The following ARMC8 variants were observed in gnomAD, a reference collection of about 807,000 sequenced individuals.
The protein encoded by ARMC8 is armadillo repeat containing 8, also known as armadillo repeat-containing protein 8.
Under a neutral mutation model 99.3 loss-of-function variants are expected in ARMC8, and 20 were observed. The observed-to-expected ratio is 0.20, with a 90% CI of 0.14 to 0.29. The LOEUF (loss-of-function observed/expected upper bound fraction) is 0.29, where lower values mean the gene tolerates loss of function less well. ARMC8 is among the 10% of genes least tolerant of loss of function. The probability of loss-of-function intolerance (pLI) is 1.00; values close to 1 mark genes in which losing one functional copy is unlikely to be tolerated. For synonymous variants in ARMC8, 263 were observed against 278.3 expected, an observed-to-expected ratio of 0.95 and a Z score of 0.55; for missense variants, 569 against 809.5, an observed-to-expected ratio of 0.70 and a Z score of 3.60.
chr3:138,220,887 G>A (rs1216254229), intron 2 of ARMC8, among the ~76,000 whole-genome samples: 3 of 151,738 alleles, frequency 2.0e-5, no homozygotes, highest in East Asian at 1.9e-4. Flanking sequence ...ATGGAGTTTC[G>A]CCATGTTGTT....
At chr3:138,237,133 G>T in intron 7 of ARMC8, 176 bp from the exon 8 acceptor site, 1 of 520,904 alleles carries the variant, frequency 1.9e-6, no homozygotes, top group Non-Finnish European at 3.3e-6. Context: ...AACTTTTATA[G>T]TTAATTTTAA....
At chr3:138,246,300 G>T (rs1332321525) in intron 12 of ARMC8, 28 of 985,620 alleles carry the variant, frequency 2.8e-5, no homozygotes, top group Non-Finnish European at 3.4e-5. Flanking sequence ...CAGTTAACAA[G>T]ATACTTTGAC....
At chr3:138,239,685 T>C (rs1055314560) in intron 10 of ARMC8, among the ~76,000 whole-genome samples, 157 bp downstream of exon 10, 1 of 152,204 alleles carries the variant, frequency 6.6e-6, no homozygotes, top group African/African-American at 2.4e-5. Flanking sequence ...TCAGTGGATG[T>C]CATATAGTTT....
At chr3:138,278,026 C>A (rs1015268365) in intron 18 of ARMC8, among the ~76,000 whole-genome samples, 1 of 152,128 alleles carries the variant, frequency 6.6e-6, no homozygotes, top group African/African-American at 2.4e-5. Flanking sequence ...ACTATATGAT[C>A]CCATCTATAT....
rs192065467 is a variant in ARMC8 at position 138,274,819 on chromosome 3, A to C, written c.1725+275A>C. On this transcript the variant is annotated intron_variant, in intron 18 of 21. Coordinates refer to ENST00000469044, the MANE Select transcript of ARMC8 (RefSeq NM_001363941.2). ...TCTACAGGAGCAGTCACCTTTCATC[A>C]TCCTGGAATGAATCCTTTTTCCAGG... 3.9e-5 allele frequency among the ~76,000 whole-genome samples: 6 copies of C among 152,300 alleles called. No individual in the cohort carries two copies. In the East Asian group the frequency reaches 1.2e-3, roughly 29 times the overall value.
At chr3:138,252,089 A>G (rs761628364) in intron 12 of ARMC8, among the ~76,000 whole-genome samples, 2 of 152,234 alleles carry the variant, frequency 1.3e-5, no homozygotes, top group Admixed American at 6.5e-5. Flanking sequence ...GCTCTTTCCT[A>G]TGAATAAAGT....
intron 9 of ARMC8, chr3:138,238,740 A>T (rs1243807314): frequency 2.6e-5 from 4 of 152,324 alleles, no homozygotes; most frequent in African/African-American, 4.8e-5. Flanking sequence ...AAATGATTTT[A>T]CCTGTTTATA....
intron 2 of ARMC8, among the ~76,000 whole-genome samples, chr3:138,212,587 G>A (rs2044761622): frequency 2.0e-5 from 3 of 152,092 alleles, no homozygotes; most frequent in South Asian, 4.1e-4. Context: ...GATTACAGGC[G>A]TGAGCCACCG....
At chr3:138,265,581 G>C (rs2048199790) in intron 14 of ARMC8, among the ~76,000 whole-genome samples, 1 of 152,192 alleles carries the variant, frequency 6.6e-6, no homozygotes, top group South Asian at 2.1e-4. Context: ...ATAGGCAAGA[G>C]ACCATTCAGG....
intron 10 of ARMC8, among the ~76,000 whole-genome samples, chr3:138,240,247 T>C (rs2046544572): frequency 6.6e-6 from 1 of 152,186 alleles, no homozygotes; most frequent in South Asian, 2.1e-4. Flanking sequence ...ATAAGTAAAT[T>C]GATGATGTGT....
chr3:138,270,182 T>C (rs748244344), intron 16 of ARMC8, 50 bp downstream of exon 16: 3 of 1,322,902 alleles, frequency 2.3e-6, no homozygotes, highest in Non-Finnish European at 3.3e-6. Flanking sequence ...AATACAGCTA[T>C]TGTCTAAGTT....
intron 3 of ARMC8, among the ~76,000 whole-genome samples, chr3:138,223,100 G>A (rs569982021): frequency 1.3e-5 from 2 of 152,304 alleles, no homozygotes; most frequent in South Asian, 4.1e-4. Flanking sequence ...AGTGGTAGAT[G>A]ACATGGACTC....
chr3:138,196,853 G>A (rs2043764007), intron 1 of ARMC8, among the ~76,000 whole-genome samples: 1 of 152,182 alleles, frequency 6.6e-6, no homozygotes, highest in African/African-American at 2.4e-5. Context: ...GGCAACAAGA[G>A]TGAAACTCCG....
chr3:138,194,033 A>G (rs949036968), intron 1 of ARMC8, among the ~76,000 whole-genome samples: 9 of 148,536 alleles, frequency 6.1e-5, no homozygotes, highest in African/African-American at 1.7e-4. Flanking sequence ...GTCCTTTCCC[A>G]GTGGCATTAC....
intron 12 of ARMC8, 197 bp downstream of exon 12, chr3:138,245,380 A>G (rs1183141724): frequency 6.3e-6 from 9 of 1,422,618 alleles, no homozygotes; most frequent in Non-Finnish European, 6.4e-6. Flanking sequence ...ATAGAGTGGC[A>G]TGGCCGTGCT....
At chr3:138,264,016 T>C in intron 13 of ARMC8, 115 bp from the exon 14 acceptor site, 1 of 1,048,738 alleles carries the variant, frequency 9.5e-7, no homozygotes, top group Admixed American at 2.0e-5. Context: ...TGTAGTTCAC[T>C]TAACAATGTA....
chr3:138,246,217 G>A (rs1394189449), intron 12 of ARMC8: 12 of 985,382 alleles, frequency 1.2e-5, no homozygotes, highest in Admixed American at 6.1e-5. Flanking sequence ...TGATGTGTGA[G>A]TAGCTTTGAT....
At chr3:138,268,267 A>T (rs2048463933) in intron 15 of ARMC8, among the ~76,000 whole-genome samples, 3 of 152,154 alleles carry the variant, frequency 2.0e-5, no homozygotes, top group Admixed American at 2.0e-4. Flanking sequence ...ACAAAAAAAC[A>T]AGATGGAGGT....
rs538415074 is a variant in ARMC8 at position 138,203,019 on chromosome 3, A to C, written c.46-6798A>C. Among the ~76,000 whole-genome samples the C allele has an allele frequency of 2.3e-3, 343 of 152,334 alleles. 4 individuals are homozygous for C. The highest frequency in any genetic ancestry group is 8.1e-3 in the African/African-American group (335 of 41,578). On this transcript the variant is annotated intron_variant, in intron 1 of 21. Transcript: ENST00000469044. The stretch of plus-strand genomic sequence containing the variant: ...CACCATAGTCATGGGTAGTTTATTC[A>C]ATCAAAGGGACAATCAGAGCCTGTT...
Sources: gnomAD v4.1 joint callset for allele counts (sites outside exome capture counted in the v4.1 genomes callset) on GRCh38, gnomAD v4.1.1 for gene constraint, MANE v1.5 for transcripts, NCBI Gene and HGNC (gene_info 2026-07-23, HGNC 2026-07-21) for gene names.